Variants in SP140 observed in about 807,000 individuals in gnomAD.
The protein encoded by SP140 is SP140 nuclear body protein.
SP140 carries 81 observed loss-of-function variants against 125.0 expected under a neutral mutation model. The observed-to-expected ratio is 0.65, with a 90% CI of 0.54 to 0.78. The LOEUF is 0.78. Among genes scored for constraint, SP140 ranks in the 30% least tolerant of loss-of-function variants. The probability of loss-of-function intolerance (pLI) is 0.00; values close to 1 mark genes in which losing one functional copy is unlikely to be tolerated. For missense variants in SP140, 858 were observed against 1,037.0 expected (o/e 0.83, Z 2.37); for synonymous variants, 312 against 354.0 (o/e 0.88, Z 1.33).
At chr2:230,269,993 T>C in intron 14 of SP140, 40 bp downstream of exon 14, 1 of 1,361,226 alleles carries the variant, frequency 7.3e-7, no homozygotes, top group Non-Finnish European at 1.1e-6. Context: ...GGTGGCTCAG[T>C]GGGCCCCACA....
chr2:230,302,636 C>G (rs896524412), intron 22 of SP140, among the ~76,000 whole-genome samples: 1 of 152,128 alleles, frequency 6.6e-6, no homozygotes, highest in African/African-American at 2.4e-5. Flanking sequence ...GGAACATTCT[C>G]CAAGATAGAC....
At chr2:230,275,527 G>T (rs139272759) in intron 15 of SP140, among the ~76,000 whole-genome samples, 6 of 152,274 alleles carry the variant, frequency 3.9e-5, no homozygotes, top group African/African-American at 9.6e-5. Context: ...TAAATGTTGT[G>T]TGTGTTTCAA....
chr2:230,244,545 C>T (rs961177050), intron 5 of SP140, among the ~76,000 whole-genome samples: 1 of 152,074 alleles, frequency 6.6e-6, no homozygotes, highest in Non-Finnish European at 1.5e-5. Context: ...GACTCTTATT[C>T]AGCAAAAGCA....
At chr2:230,260,872 G>C (rs56083766) in intron 12 of SP140, among the ~76,000 whole-genome samples, 16,212 of 152,124 alleles carry the variant, frequency 0.11, 1,308 homozygotes, top group African/African-American at 0.22. Context: ...ATCATGTCGT[G>C]TGATGCCTCC....
chr2:230,241,591 T>C (rs574156664), intron 4 of SP140, 104 bp downstream of exon 4: 11 of 694,728 alleles, frequency 1.6e-5, no homozygotes, highest in Non-Finnish European at 1.3e-5. Flanking sequence ...CTCTGTTATC[T>C]CCCAGTCCTC....
At chr2:230,212,649 G>A (rs2044623659) in intron 1 of SP140, 2 of 1,409,828 alleles carry the variant, frequency 1.4e-6, no homozygotes, top group Non-Finnish European at 2.0e-6. Context: ...GGGTAGATGG[G>A]TGCAAGAGAA....
At chr2:230,238,649 GTC>G in intron 3 of SP140, 1 of 924,332 alleles carries the variant, frequency 1.1e-6, no homozygotes, top group Non-Finnish European at 1.6e-6. Context: ...TAGGGTTGAA[GTC>G]TCTATTTTTT....
chr2:230,271,070 T>A (rs888439612), intron 15 of SP140, among the ~76,000 whole-genome samples: 1 of 152,228 alleles, frequency 6.6e-6, no homozygotes, highest in African/African-American at 2.4e-5. Flanking sequence ...GGAAATAGCT[T>A]GTCCTTTCCA....
intron 22 of SP140, among the ~76,000 whole-genome samples, chr2:230,298,232 A>G (rs1266124190): frequency 2.0e-5 from 3 of 152,190 alleles, no homozygotes; most frequent in Non-Finnish European, 2.9e-5. Context: ...CCTTCTCTAA[A>G]TGAAATCGTG....
chr2:230,277,870 A>G (rs1195704319), intron 15 of SP140, among the ~76,000 whole-genome samples: 2 of 152,090 alleles, frequency 1.3e-5, no homozygotes, highest in Non-Finnish European at 2.9e-5. Flanking sequence ...ACATTTCTTT[A>G]TCCATTCATC....
intron 10 of SP140, 83 bp from the exon 11 acceptor site, chr2:230,253,233 G>A (rs535067731): frequency 6.4e-6 from 6 of 942,068 alleles, no homozygotes; most frequent in African/African-American, 4.9e-5. Flanking sequence ...GAACAAGACA[G>A]GGGTGGCTCT....
At chr2:230,193,501 C>A in the SP140 span, among the ~76,000 whole-genome samples, 1 of 152,072 alleles carries the variant, frequency 6.6e-6, no homozygotes. Flanking sequence ...ATCAATCTTT[C>A]GTTTCAAGAG....
chr2:230,219,505 C>T (rs1301964728), intron 3 of SP140: 2 of 152,112 alleles, frequency 1.3e-5, no homozygotes, highest in African/African-American at 2.4e-5. Flanking sequence ...ACACTAGAGA[C>T]GAAATTAAAT....
chr2:230,296,908 G>C (rs1407084018), intron 21 of SP140, among the ~76,000 whole-genome samples: 2 of 152,176 alleles, frequency 1.3e-5, no homozygotes, highest in African/African-American at 4.8e-5. Flanking sequence ...GGTAGTACTT[G>C]CACACTTTTT....
intron 7 of SP140, among the ~76,000 whole-genome samples, chr2:230,246,382 G>A (rs898074641): frequency 2.3e-4 from 35 of 152,222 alleles, no homozygotes; most frequent in Non-Finnish European, 3.4e-4. Flanking sequence ...ACCACGTTGG[G>A]TAACATTTGG....
At chr2:230,202,116 ATT>A (rs915940839), upstream of SP140, among the ~76,000 whole-genome samples, 42 of 152,142 alleles carry the variant, frequency 2.8e-4, no homozygotes, top group Admixed American at 2.6e-3. Context: ...CTTTTCACTA[ATT>A]TTTTTTGTTT....
At chr2:230,200,671 T>A (rs1054230427), upstream of SP140, 2 of 596,622 alleles carry the variant, frequency 3.4e-6, no homozygotes, top group African/African-American at 3.7e-5. Context: ...CAGATATACA[T>A]ACATACATAT....
At chr2:230,270,699 G>A in intron 15 of SP140, 60 bp downstream of exon 15, 1 of 1,429,606 alleles carries the variant, frequency 7.0e-7, no homozygotes, top group African/African-American at 1.4e-5. Flanking sequence ...TAATGCCAGA[G>A]TTTTAATTTT....
chr2:230,210,656 A>T (rs1574741645), intron 1 of SP140, among the ~76,000 whole-genome samples: 1 of 152,200 alleles, frequency 6.6e-6, no homozygotes, highest in East Asian at 1.9e-4. Flanking sequence ...AAGCTCTGCT[A>T]GTTTTTGCTG....
Sources: allele counts gnomAD v4.1 joint callset (sites outside exome capture counted in the v4.1 genomes callset), GRCh38; gene constraint gnomAD v4.1.1; transcripts MANE v1.5; gene names NCBI Gene and HGNC (gene_info 2026-07-23, HGNC 2026-07-21).